LRG1: variants seen among roughly 807,000 people sequenced by gnomAD.
LRG1 encodes the protein leucine-rich alpha-2-glycoprotein.
A neutral mutation model predicts 2.4 loss-of-function variants in LRG1; 1 was observed. The ratio of observed to expected loss-of-function variants is 0.41; its 90% CI spans 0.15 to 1.95. The LOEUF (loss-of-function observed/expected upper bound fraction) is 1.95, where lower values mean the gene tolerates loss of function less well. Among genes scored for constraint, LRG1 ranks in the 30% most tolerant of loss-of-function variants. The pLI is 0.30. For synonymous variants in LRG1, 226 were observed against 210.6 expected, an observed-to-expected ratio of 1.07 and a Z score of -0.63; for missense variants, 425 against 436.9, an observed-to-expected ratio of 0.97 and a Z score of 0.24.
At chr19:4,539,492 G>A (rs1976988398) in intron 1 of LRG1, among the ~76,000 whole-genome samples, 1 of 152,218 alleles carries the variant, frequency 6.6e-6, no homozygotes, top group East Asian at 1.9e-4. Context: ...TCAGGTTCAT[G>A]TTTTTGAGAC....
rs1555696414 is a variant in LRG1 at position 4,538,470 on chromosome 19, A to G, written c.514T>C (p.Ser172Pro). The change falls in exon 2 of 2, where the codon TCT becomes CCT. Residue 172 changes from serine to proline, a missense_variant. Transcript: ENST00000306390. ...GLKALGHLDL[S>P]GNRLRKLPPG... is the part of the protein sequence containing the mutation. ...GGCAGTTTCCGGAGGCGGTTCCCAG[A>G]CAGGTCCAGATGCCCCAGAGCTTTC... 5.0e-6 allele frequency: 8 copies of G among 1,613,870 alleles called. No individual in the cohort carries two copies.
rs775506873 is a variant in LRG1 at position 4,538,622 on chromosome 19, A to G, written c.362T>C (p.Leu121Pro). The change falls in exon 2 of 2, where the codon CTG (leucine) becomes CCG (proline). Residue 121 changes from leucine to proline, a missense_variant. By Grantham distance (98) the Leu-to-Pro change is moderately conservative. Transcript: ENST00000306390. The part of the protein sequence containing the change: ...FLRPVPQLRV[L>P]DLTRNALTGL... ...GGTCAGGGCGTTTCGGGTTAGATCC[A>G]GCACCCTCAGCTGCGGCACTGGCCG... is the stretch of plus-strand genomic sequence containing the variant. The G allele has an allele frequency of 9.3e-6, 15 of 1,612,908 alleles. No homozygotes were observed. The African/African-American group carries it at 1.9e-4, about 20-fold the overall frequency.
At position 4,537,962 on chromosome 19, in the gene LRG1, A is replaced by G. The variant is rs763753547; in HGVS notation, c.1022T>C (p.Leu341Pro). Residue 341 changes from leucine (L) to proline (P), a missense_variant, in exon 2 of 2, where the codon CTG becomes CCG. Transcript: ENST00000306390. ...GPEAVKGQTL[L>P]AVAKSQ ...GTCTCACTGGGACTTGGCCACTGCC[A>G]GGAGCGTCTGGCCCTTCACGGCTTC... The G allele has an allele frequency of 2.0e-5, 33 of 1,611,484 alleles. No homozygotes were observed. The highest frequency in any genetic ancestry group is 2.6e-5 in the Non-Finnish European group (31 of 1,178,350).
Position 4,538,954 on chromosome 19 carries a change from G to A in LRG1, c.33-3C>T, listed in dbSNP as rs1308435834. ...CATGGGGTTGAATGCCCCCTGGGCT[G>A]CAGGCAGTAACAGAAGATGCTTACT... On this transcript the variant is annotated splice_polypyrimidine_tract_variant and splice_region_variant and intron_variant, in intron 1 of 1. Coordinates refer to ENST00000306390, the MANE Select transcript of LRG1 (RefSeq NM_052972.3). The A allele has an allele frequency of 1.3e-6, 2 of 1,500,378 alleles. No individual in the cohort carries two copies. The highest frequency in any genetic ancestry group is 2.3e-5 in the Admixed American group (1 of 43,488). The allele number at this position is 1,500,378 out of a possible 1,614,324, so 92.9% of individuals were successfully genotyped here.
rs1441390481 is a variant in LRG1 at position 4,538,039 on chromosome 19, C to G, written c.945G>C (p.Gln315His). The change falls in exon 2 of 2, where the codon CAG becomes CAC. Residue 315 changes from glutamine to histidine, a missense_variant. By Grantham distance (24) the Gln-to-His change is conservative. Coordinates refer to ENST00000306390, the MANE Select transcript of LRG1 (RefSeq NM_052972.3). ...GGGAAAACATCTTGTCTTTTTGGGC[C>G]TGAAGCCAACGATAGAGGTCGCTCA... The part of the protein sequence containing the change: ...QNLSDLYRWL[Q>H]AQKDKMFSQN... 1.2e-6 allele frequency: 2 copies of G among 1,614,080 alleles called. No homozygotes were observed. Among genetic ancestry groups the G allele is most frequent in the African/African-American group, 1.3e-5 (1 of 74,944 alleles).
Position 4,538,585 on chromosome 19 carries a change from C to A in LRG1, c.399G>T (p.Pro133=). ...GGGTGGCTGAGGCCTGGAAGAGGCC[C>A]GGGGGCAGCCCGGTCAGGGCGTTTC... The part of the protein sequence containing the change: ...LTRNALTGLP[P]GLFQASATLD... Residue 133 remains proline, a synonymous_variant, in exon 2 of 2, where the codon CCG becomes CCT. Transcript: ENST00000306390. The A allele has an allele frequency of 3.1e-6, 5 of 1,613,066 alleles. No individual in the cohort carries two copies. The highest frequency in any genetic ancestry group is 4.2e-6 in the Non-Finnish European group (5 of 1,179,636).
At position 4,537,638 on chromosome 19, in the gene LRG1, G is replaced by A. The variant is rs1231422171; in HGVS notation, c.*302C>T. ...GCTAGAGTGCAGTGGCACGATCTTGGCTCACCGCAAGCTCCGCCTCCCAAG... is the reference window on the plus strand; with the variant it reads ...GCTAGAGTGCAGTGGCACGATCTTGACTCACCGCAAGCTCCGCCTCCCAAG... On this transcript the variant is annotated 3_prime_UTR_variant, in exon 2 of 2. Coordinates refer to ENST00000306390, the MANE Select transcript of LRG1 (RefSeq NM_052972.3). The A allele has an allele frequency of 5.4e-6, 2 of 371,910 alleles. No homozygotes were observed. Among genetic ancestry groups the A allele is most frequent in the Non-Finnish European group, 9.9e-6 (2 of 202,342 alleles). The allele number at this position is 371,910 out of a possible 1,614,324, so 23.0% of individuals were successfully genotyped here.
chr19:4,538,037 GC>G lies in LRG1; in HGVS notation c.946del (p.Ala316ProfsTer20), dbSNP rs1976965512. 6.2e-7 allele frequency: 1 copy of G among 1,614,064 alleles called. No homozygotes were observed. The highest frequency in any genetic ancestry group is 1.3e-5 in the African/African-American group (1 of 74,946). On this transcript the variant is annotated frameshift_variant, in exon 2 of 2. Coordinates refer to ENST00000306390, the MANE Select transcript of LRG1 (RefSeq NM_052972.3). LOFTEE classifies it low-confidence loss of function (END_TRUNC). ...NLSDLYRWLQ[A>X]QKDKMFSQND... is the part of the protein sequence containing the mutation. ...CTGGGAAAACATCTTGTCTTTTTGG[GC>G]CTGAAGCCAACGATAGAGGTCGCTC...
intron 1 of LRG1, 109 bp from the exon 2 acceptor site, chr19:4,539,060 GC>G: frequency 8.9e-7 from 1 of 1,117,794 alleles, no homozygotes; most frequent in Non-Finnish European, 1.2e-6. Flanking sequence ...GCGGCTACCA[GC>G]CTGGACTATG....
intron 1 of LRG1, 38 bp downstream of exon 1, chr19:4,539,944 G>T: frequency 6.2e-7 from 1 of 1,613,468 alleles, no homozygotes; most frequent in East Asian, 2.2e-5. Context: ...ATGGTCTGGC[G>T]TTCAAACCTG....
chr19:4,538,656 C>T lies in LRG1; in HGVS notation c.328G>A (p.Glu110Lys), dbSNP rs375872172. The stretch of plus-strand genomic sequence containing the variant: ...AGCTGCGGCACTGGCCGCAGGAATT[C>T]GGGCGAGAGGCTTTCCAGCCCATTG... ...SSNGLESLSP[E>K]FLRPVPQLRV... is the part of the protein sequence containing the mutation. The change falls in exon 2 of 2, where the codon GAA becomes AAA. Residue 110 changes from glutamate to lysine, a missense_variant. By Grantham distance (56) the Glu-to-Lys change is moderately conservative. Coordinates refer to ENST00000306390, the MANE Select transcript of LRG1 (RefSeq NM_052972.3). 172 of 1,613,036 alleles carry T rather than the reference C, an allele frequency of 1.1e-4. 1 individual carries two copies. The highest frequency in any genetic ancestry group is 1.3e-4 in the Non-Finnish European group (149 of 1,179,352).
At chr19:4,539,017 C>T (rs948502677) in intron 1 of LRG1, 66 bp from the exon 2 acceptor site, 15 of 1,425,928 alleles carry the variant, frequency 1.1e-5, no homozygotes, top group African/African-American at 1.4e-5. Context: ...GGTGAAAATA[C>T]ACCAGCAAAT....
rs1472983417 is a variant in LRG1 at position 4,538,525 on chromosome 19, C to T, written c.459G>A (p.Glu153=). 6.2e-7 allele frequency: 1 copy of T among 1,613,922 alleles called. No individual in the cohort carries two copies. Among genetic ancestry groups the T allele is most frequent in the Non-Finnish European group, 8.5e-7 (1 of 1,180,032 alleles). Reference sequence around the variant, plus strand: ...CGTGTAGCCACGAGACCTCCAGGACCTCCAGCTGGTTTTCTTTCAATACCA... The same window carrying T: ...CGTGTAGCCACGAGACCTCCAGGACTTCCAGCTGGTTTTCTTTCAATACCA... ...DTLVLKENQL[E]VLEVSWLHGL... is the part of the protein sequence containing the mutation. Residue 153 remains glutamate (E), a synonymous_variant, in exon 2 of 2, where the codon GAG becomes GAA. Transcript: ENST00000306390.
rs1361020328 is a variant in LRG1 at position 4,536,875 on chromosome 19, C to A, written c.*1065G>T. 6.6e-6 allele frequency: 1 copy of A among 152,204 alleles called. No homozygotes were observed. The allele number at this position is 152,204 out of a possible 1,614,324, so 9.4% of individuals were successfully genotyped here. On this transcript the variant is annotated 3_prime_UTR_variant, in exon 2 of 2. Coordinates refer to ENST00000306390, the MANE Select transcript of LRG1 (RefSeq NM_052972.3). ...CTGCCCCTGCAACCTTGCCCGGGGG[C>A]AGGTGCCCCCTTCGATGATCTCAGG... is the stretch of plus-strand genomic sequence containing the variant.
intron 1 of LRG1, 78 bp downstream of exon 1, chr19:4,539,904 T>C (rs1976992459): frequency 1.3e-6 from 2 of 1,561,502 alleles, no homozygotes; most frequent in African/African-American, 1.4e-5. Context: ...GTGACTTCTA[T>C]GGGTTAGCTG....
At position 4,538,619 on chromosome 19, in the gene LRG1, T is replaced by A; in HGVS notation, c.365A>T (p.Asp122Val). ...LRPVPQLRVL[D>V]LTRNALTGLP... is the part of the protein sequence containing the mutation. ...CCCGGTCAGGGCGTTTCGGGTTAGA[T>A]CCAGCACCCTCAGCTGCGGCACTGG... Residue 122 changes from aspartate to valine, a missense_variant, in exon 2 of 2, where the codon GAT becomes GTT. Asp to Val is a radical substitution (Grantham distance 152). Transcript: ENST00000306390. 1 of 1,613,074 alleles carries A rather than the reference T, an allele frequency of 6.2e-7. No individual in the cohort carries two copies. Among genetic ancestry groups the A allele is most frequent in the Non-Finnish European group, 8.5e-7 (1 of 1,179,420 alleles).
In LRG1 at chr19:4,538,637, G is replaced by A. The variant is rs765006228; in HGVS notation, c.347C>T (p.Pro116Leu). 33 of 1,612,850 alleles carry A rather than the reference G, an allele frequency of 2.0e-5. No individual in the cohort carries two copies. The Admixed American group carries it at 4.0e-4, about 20-fold the overall frequency. ...SLSPEFLRPV[P>L]QLRVLDLTRN... ...GGTTAGATCCAGCACCCTCAGCTGC[G>A]GCACTGGCCGCAGGAATTCGGGCGA... Residue 116 changes from proline to leucine, a missense_variant, in exon 2 of 2, where the codon CCG becomes CTG. Pro to Leu is a moderately conservative substitution (Grantham distance 98, BLOSUM62 -3). Coordinates refer to ENST00000306390, the MANE Select transcript of LRG1 (RefSeq NM_052972.3).
chr19:4,539,810 G>GGTGT (rs750115760), intron 1 of LRG1, among the ~76,000 whole-genome samples, 172 bp downstream of exon 1: 1 of 151,652 alleles, frequency 6.6e-6, no homozygotes, highest in African/African-American at 2.4e-5. Context: ...CTTCTGTAGG[G>GGTGT]GTGTGTGTGT....
chr19:4,538,234 C>G lies in LRG1; in HGVS notation c.750G>C (p.Arg250Ser), dbSNP rs114858360. 15 of 1,614,060 alleles carry G rather than the reference C, an allele frequency of 9.3e-6. No homozygotes were observed. The African/African-American group carries it at 1.7e-4, about 19-fold the overall frequency. ...GGCCCTGGAAGGCACCGGCTGCCAC[C>G]CTGGCCAGCTTGTTGCCGTTCAGGA... ...YLFLNGNKLA[R>S]VAAGAFQGLR... The change falls in exon 2 of 2, where the codon AGG becomes AGC. Residue 250 changes from arginine to serine, a missense_variant. Arg to Ser is a moderately radical substitution (Grantham distance 110). Coordinates refer to ENST00000306390, the MANE Select transcript of LRG1 (RefSeq NM_052972.3).
Sources: gnomAD v4.1 joint callset for allele counts (sites outside exome capture counted in the v4.1 genomes callset) on GRCh38, gnomAD v4.1.1 for gene constraint, MANE v1.5 for transcripts, NCBI Gene and HGNC (gene_info 2026-07-23, HGNC 2026-07-21) for gene names.